Variants in SLC8A1 observed in about 807,000 individuals in gnomAD.
The protein encoded by SLC8A1 is sodium/calcium exchanger 1.
SLC8A1 carries 18 observed loss-of-function variants against 68.3 expected under a neutral mutation model. That is an observed-to-expected ratio of 0.26 (90% CI 0.18 to 0.39). The LOEUF (loss-of-function observed/expected upper bound fraction) is 0.39, where lower values mean the gene tolerates loss of function less well. SLC8A1 is among the 10% of genes least tolerant of loss of function. The pLI is 1.00. For synonymous variants in SLC8A1, 475 were observed against 415.5 expected, an observed-to-expected ratio of 1.14 and a Z score of -1.74; for missense variants, 985 against 1,156.7, an observed-to-expected ratio of 0.85 and a Z score of 2.15.
chr2:40,495,425 C>T (rs1393566214), intron 1 of SLC8A1, among the ~76,000 whole-genome samples: 1 of 151,994 alleles, frequency 6.6e-6, no homozygotes, highest in East Asian at 1.9e-4. Flanking sequence ...AGGACAAACT[C>T]TTAGAGTGTT....
intron 2 of SLC8A1, among the ~76,000 whole-genome samples, chr2:40,282,173 T>C (rs1559082927): frequency 6.6e-6 from 1 of 152,166 alleles, no homozygotes; most frequent in Non-Finnish European, 1.5e-5. Flanking sequence ...TGTATGTTTC[T>C]TACCTCATTC....
intron 1 of SLC8A1, among the ~76,000 whole-genome samples, chr2:40,483,044 T>C (rs951275550): frequency 6.6e-6 from 1 of 150,740 alleles, no homozygotes; most frequent in African/African-American, 2.4e-5. Context: ...CACCTCGTGA[T>C]CCGCCCGCCT....
At chr2:40,218,727 GAA>G (rs55920991) in intron 2 of SLC8A1, among the ~76,000 whole-genome samples, 5 of 148,392 alleles carry the variant, frequency 3.4e-5, no homozygotes, top group African/African-American at 5.0e-5. Context: ...TCTTCTGGGG[GAA>G]AAAAAAAAAA....
chr2:40,189,051 A>G (rs1450712334), intron 2 of SLC8A1, among the ~76,000 whole-genome samples: 1 of 152,156 alleles, frequency 6.6e-6, no homozygotes, highest in Non-Finnish European at 1.5e-5. Flanking sequence ...ACTAATATCA[A>G]GGGGTAGACT....
chr2:40,142,435 C>T (rs1264780280), intron 6 of SLC8A1, among the ~76,000 whole-genome samples: 2 of 152,060 alleles, frequency 1.3e-5, no homozygotes, highest in Non-Finnish European at 2.9e-5. Flanking sequence ...TGGATCCTAT[C>T]CTTTTTAATT....
intron 2 of SLC8A1, among the ~76,000 whole-genome samples, chr2:40,386,856 A>G (rs76604328): frequency 0.017 from 2,509 of 151,262 alleles, 191 homozygotes; most frequent in African/African-American, 0.059. Context: ...CTAAAATACC[A>G]TGAATGACAA....
At chr2:40,431,677 G>T (rs918963845) in intron 1 of SLC8A1, among the ~76,000 whole-genome samples, 1 of 152,120 alleles carries the variant, frequency 6.6e-6, no homozygotes, top group Non-Finnish European at 1.5e-5. Flanking sequence ...ATAGGAAGAA[G>T]CCCTGAGTCA....
intron 2 of SLC8A1, among the ~76,000 whole-genome samples, chr2:40,381,343 T>C (rs983033594): frequency 2.6e-5 from 4 of 151,994 alleles, no homozygotes; most frequent in African/African-American, 9.7e-5. Flanking sequence ...TCCACAACAC[T>C]CCTTATATAC....
At chr2:40,498,617 T>C (rs1454142727) in intron 1 of SLC8A1, among the ~76,000 whole-genome samples, 1 of 152,114 alleles carries the variant, frequency 6.6e-6, no homozygotes, top group Non-Finnish European at 1.5e-5. Flanking sequence ...TACAATTTAA[T>C]GTAATCCTTC....
intron 4 of SLC8A1, 121 bp from the exon 8 acceptor site, chr2:40,165,105 G>C: frequency 8.2e-7 from 1 of 1,213,246 alleles, no homozygotes; most frequent in South Asian, 1.3e-5. Flanking sequence ...AGCCCCCTGG[G>C]TGAGATCACG....
intron 2 of SLC8A1, chr2:40,190,908 C>G (rs972702080): frequency 2.6e-5 from 4 of 152,130 alleles, no homozygotes; most frequent in Admixed American, 2.0e-4. Context: ...CTCTCTACCA[C>G]TAGACGTGGT....
intron 2 of SLC8A1, chr2:40,209,308 C>G (rs1407097089): frequency 6.6e-6 from 1 of 152,100 alleles, no homozygotes; most frequent in East Asian, 1.9e-4. Flanking sequence ...GAGGCAGGGG[C>G]AAAGACAGTC....
chr2:40,435,937 C>G (rs866785104), intron 1 of SLC8A1, among the ~76,000 whole-genome samples: 89 of 147,050 alleles, frequency 6.1e-4, no homozygotes, highest in African/African-American at 2.0e-3. Flanking sequence ...CAACCATGCT[C>G]GGCTATTTTT....
At chr2:40,252,940 TAC>T (rs2063080366) in intron 2 of SLC8A1, among the ~76,000 whole-genome samples, 1 of 103,336 alleles carries the variant, frequency 9.7e-6, no homozygotes, top group Non-Finnish European at 1.8e-5. Context: ...TATATGTATG[TAC>T]ATATATACAT....
In SLC8A1 at chr2:40,224,115, G is replaced by A. The variant is rs114870402; in HGVS notation, c.1809-46260C>T. 8.5e-3 allele frequency among the ~76,000 whole-genome samples: 1,292 copies of A among 152,226 alleles called. 20 individuals carry two copies. Among genetic ancestry groups the A allele is most frequent in the African/African-American group, 0.029 (1,207 of 41,526 alleles). On this transcript the variant is annotated intron_variant, in intron 2 of 7. Transcript: ENST00000406785. ...TAGGGACTCATACATGATGTTGCTCGGCAGTGAAATGATAGCTAATTGTCT... is the reference window on the plus strand; with the variant it reads ...TAGGGACTCATACATGATGTTGCTCAGCAGTGAAATGATAGCTAATTGTCT...
upstream of SLC8A1, among the ~76,000 whole-genome samples, chr2:40,455,737 G>A (rs572136037): frequency 2.0e-5 from 3 of 152,282 alleles, no homozygotes; most frequent in African/African-American, 7.2e-5. Context: ...ACTTCTAAGT[G>A]CTGTTGTTCC....
At chr2:40,130,340 A>C (rs2039073460) in intron 7 of SLC8A1, among the ~76,000 whole-genome samples, 1 of 152,238 alleles carries the variant, frequency 6.6e-6, no homozygotes, top group African/African-American at 2.4e-5. Flanking sequence ...TCTCCTCAAA[A>C]ATGTTTGCCT....
intron 2 of SLC8A1, among the ~76,000 whole-genome samples, chr2:40,194,713 G>A (rs2052619226): frequency 6.6e-6 from 1 of 151,978 alleles, no homozygotes; most frequent in Non-Finnish European, 1.5e-5. Flanking sequence ...AGAGGTTGAA[G>A]GCCAAGGTGA....
At chr2:40,295,158 G>A (rs960358557) in intron 2 of SLC8A1, among the ~76,000 whole-genome samples, 2 of 151,864 alleles carry the variant, frequency 1.3e-5, no homozygotes, top group African/African-American at 4.8e-5. Context: ...AGAGTGCAGT[G>A]GTGCAATCAT....
Sources: gnomAD v4.1 joint callset for allele counts (sites outside exome capture counted in the v4.1 genomes callset) on GRCh38, gnomAD v4.1.1 for gene constraint, MANE v1.5 for transcripts, NCBI Gene and HGNC (gene_info 2026-07-23, HGNC 2026-07-21) for gene names.